Variants in AGAP1 observed in about 807,000 individuals in gnomAD.
The protein encoded by AGAP1 is ArfGAP with GTPase domain, ankyrin repeat and PH domain 1.
AGAP1 carries 29 observed loss-of-function variants against 105.3 expected under a neutral mutation model. That is an observed-to-expected ratio of 0.28 (90% confidence interval 0.21 to 0.38). The LOEUF (loss-of-function observed/expected upper bound fraction) is 0.38. AGAP1 is among the 10% of genes least tolerant of loss of function. AGAP1 has a pLI of 1.00. For synonymous variants in AGAP1, 509 were observed against 485.9 expected, an observed-to-expected ratio of 1.05 and a Z score of -0.63; for missense variants, 998 against 1,165.1, an observed-to-expected ratio of 0.86 and a Z score of 2.09.
intron 1 of AGAP1, among the ~76,000 whole-genome samples, chr2:235,685,160 G>A (rs1290739935): frequency 5.3e-5 from 8 of 152,088 alleles, no homozygotes; most frequent in Non-Finnish European, 1.2e-4. Flanking sequence ...CTCACGCCTT[G>A]TGAGGGGACC....
chr2:235,695,015 C>G (rs1178492046), intron 1 of AGAP1, among the ~76,000 whole-genome samples: 1 of 152,198 alleles, frequency 6.6e-6, no homozygotes, highest in African/African-American at 2.4e-5. Context: ...TTTAAAAATT[C>G]TTGTGTCTAT....
intron 13 of AGAP1, among the ~76,000 whole-genome samples, chr2:235,975,792 C>T (rs1318137102): frequency 2.6e-5 from 4 of 152,278 alleles, no homozygotes; most frequent in East Asian, 3.9e-4. Context: ...CGGCACCTCC[C>T]GTGTCTGCTC....
At chr2:235,572,397 G>T (rs1257089424) in intron 1 of AGAP1, among the ~76,000 whole-genome samples, 1 of 152,084 alleles carries the variant, frequency 6.6e-6, no homozygotes, top group Non-Finnish European at 1.5e-5. Context: ...CACTGGTGGG[G>T]TAGTTCTTCA....
At chr2:235,785,596 C>T (rs1220038490) in intron 6 of AGAP1, among the ~76,000 whole-genome samples, 2 of 151,686 alleles carry the variant, frequency 1.3e-5, no homozygotes, top group Non-Finnish European at 2.9e-5. Flanking sequence ...ATCTATTTTT[C>T]TTTAAAATTT....
intron 13 of AGAP1, among the ~76,000 whole-genome samples, chr2:236,019,239 G>T (rs1043892126): frequency 1.3e-5 from 2 of 152,188 alleles, no homozygotes; most frequent in Admixed American, 1.3e-4. Context: ...ATGCGCCATT[G>T]CCTGCGCTGG....
intron 1 of AGAP1, among the ~76,000 whole-genome samples, chr2:235,531,069 A>G (rs73996137): frequency 9.2e-4 from 140 of 152,320 alleles, no homozygotes; most frequent in African/African-American, 2.4e-3. Context: ...AGCTGAATAA[A>G]GATTTAGGGT....
At position 235,741,052 on chromosome 2, in the gene AGAP1, A is replaced by G. The variant is rs752647506; in HGVS notation, c.396+4A>G. The G allele has an allele frequency of 2.6e-5, 42 of 1,613,114 alleles. No homozygotes were observed. Among genetic ancestry groups the G allele is most frequent in the Middle Eastern group, 3.3e-4 (2 of 6,054 alleles). ...AGGGGGCCCCCCGGAGGCGCAGGTG[A>G]GTATACATGCATGCCCCAAGCCTGC... On this transcript the variant is annotated splice_donor_region_variant and intron_variant, in intron 4 of 17. Coordinates refer to ENST00000304032, the MANE Select transcript of AGAP1 (RefSeq NM_001037131.3). The surrounding 1 kb of genome is among the most constrained non-coding windows in gnomAD (Gnocchi z 4.9).
rs1336464114 is a variant in AGAP1 at position 236,046,952 on chromosome 2, A to G, written c.1892-2107A>G. Among the ~76,000 whole-genome samples the G allele has an allele frequency of 6.6e-6, 1 of 152,162 alleles. No homozygotes were observed. The highest frequency in any genetic ancestry group is 2.4e-5 in the African/African-American group (1 of 41,440). ...GTTGAAGCCTGGGCAACATAGCAAG[A>G]CCCCATCTGTGCAAAAAATGTAAGA... On this transcript the variant is annotated intron_variant, in intron 15 of 17. Transcript: ENST00000304032. The surrounding 1 kb of genome is among the most constrained non-coding windows in gnomAD (Gnocchi z 5.2).
At chr2:235,764,534 G>GT (rs1394427464) in intron 6 of AGAP1, among the ~76,000 whole-genome samples, 3 of 152,194 alleles carry the variant, frequency 2.0e-5, no homozygotes, top group Non-Finnish European at 4.4e-5. Context: ...TCAGAACTCA[G>GT]TCACTGACAG....
chr2:235,529,106 G>T (rs1386456819), intron 1 of AGAP1, among the ~76,000 whole-genome samples: 1 of 152,204 alleles, frequency 6.6e-6, no homozygotes, highest in Non-Finnish European at 1.5e-5. Flanking sequence ...TAGCTCTGTG[G>T]CCCCTAGGCC....
chr2:235,526,613 TAAAA>T (rs1373065311), intron 1 of AGAP1, among the ~76,000 whole-genome samples: 1 of 152,040 alleles, frequency 6.6e-6, no homozygotes, highest in Non-Finnish European at 1.5e-5. Flanking sequence ...TTTGGAGAAG[TAAAA>T]AAACCTTAAA....
At chr2:235,826,004 T>G (rs1188125536) in intron 9 of AGAP1, among the ~76,000 whole-genome samples, 3 of 151,350 alleles carry the variant, frequency 2.0e-5, no homozygotes, top group Admixed American at 2.0e-4. Context: ...ACTCAAAAAA[T>G]TAAAAACAGA....
intron 3 of AGAP1, among the ~76,000 whole-genome samples, chr2:235,730,410 AT>A (rs1951876276): frequency 6.8e-6 from 1 of 147,060 alleles, no homozygotes; most frequent in Non-Finnish European, 1.5e-5. Flanking sequence ...AGAAAGCATT[AT>A]TTAAATACCC....
At chr2:236,031,564 A>G (rs952854048) in intron 13 of AGAP1, among the ~76,000 whole-genome samples, 1 of 152,092 alleles carries the variant, frequency 6.6e-6, no homozygotes, top group African/African-American at 2.4e-5. Flanking sequence ...CAGAGTTGCA[A>G]GGGCCCTCCC....
rs1217888181 is a variant in AGAP1, at chr2:236,127,983, C to T, written c.*3861C>T. 6 of 152,222 alleles carry T rather than the reference C, an allele frequency of 3.9e-5. No homozygotes were observed. Among genetic ancestry groups the T allele is most frequent in the African/African-American group, 9.7e-5 (4 of 41,418 alleles). The allele number at this position is 152,222 out of a possible 1,614,324, so 9.4% of individuals were successfully genotyped here. A position where few individuals can be genotyped will look rare whatever the true frequency, so the allele number is the denominator to read the frequency against. On this transcript the variant is annotated 3_prime_UTR_variant, in exon 18 of 18. Transcript: ENST00000304032. This position sits in a 1 kb window ranked among gnomAD's most constrained non-coding sequence, Gnocchi z 6.6. Reference sequence around the variant, plus strand: ...GTTAATAACAGAAACACTGATGGGACCGAAGCCAGTGCACACACCAGGAAA... The same window carrying T: ...GTTAATAACAGAAACACTGATGGGATCGAAGCCAGTGCACACACCAGGAAA...
chr2:235,914,341 C>T (rs1322397926), intron 11 of AGAP1, among the ~76,000 whole-genome samples: 1 of 152,118 alleles, frequency 6.6e-6, no homozygotes, highest in African/African-American at 2.4e-5. Context: ...TTGATTAATG[C>T]TCTGGATATT....
At position 235,722,251 on chromosome 2, in the gene AGAP1, G is replaced by T. The variant is rs372533008; in HGVS notation, c.310+4607G>T. ...AAGTACCACAAACTGGCTTAAAACA[G>T]AAATGTATTCTCACAAGTCGGAAAT... On this transcript the variant is annotated intron_variant, in intron 3 of 17. Coordinates refer to ENST00000304032, the MANE Select transcript of AGAP1 (RefSeq NM_001037131.3). 5.3e-5 allele frequency among the ~76,000 whole-genome samples: 8 copies of T among 152,232 alleles called. No individual in the cohort carries two copies. In the East Asian group the frequency reaches 1.6e-3, roughly 30 times the overall value.
chr2:235,541,549 G>A (rs771088504), intron 1 of AGAP1, among the ~76,000 whole-genome samples: 36 of 151,794 alleles, frequency 2.4e-4, no homozygotes, highest in Non-Finnish European at 4.7e-4. Context: ...CACCGTGCCC[G>A]GCTAATTTTT....
Position 235,662,045 on chromosome 2 carries a change from C to A in AGAP1, c.164-47134C>A, listed in dbSNP as rs1947975213. On this transcript the variant is annotated intron_variant, in intron 1 of 17. Coordinates refer to ENST00000304032, the MANE Select transcript of AGAP1 (RefSeq NM_001037131.3). The surrounding 1 kb of genome is among the most constrained non-coding windows in gnomAD (Gnocchi z 4.2). Reference sequence around the variant, plus strand: ...TTATCCTGGGTGAGTTGGGGTATGGCCATAGGAGGGGGCTCCAGGAATTCA... The same window carrying A: ...TTATCCTGGGTGAGTTGGGGTATGGACATAGGAGGGGGCTCCAGGAATTCA... Among the ~76,000 whole-genome samples, 3 of 152,058 alleles carry A rather than the reference C, an allele frequency of 2.0e-5. No homozygotes were observed.
Sources: allele counts gnomAD v4.1 joint callset (sites outside exome capture counted in the v4.1 genomes callset), GRCh38; gene constraint gnomAD v4.1.1; non-coding constraint Gnocchi (gnomAD v3.1); transcripts MANE v1.5; gene names NCBI Gene and HGNC (gene_info 2026-07-23, HGNC 2026-07-21).